EYS: variants seen among roughly 807,000 people sequenced by gnomAD.
The protein encoded by EYS is EGF-like photoreceptor maintenance factor.
EYS carries 250 observed loss-of-function variants against 282.1 expected under a neutral mutation model. The ratio of observed to expected loss-of-function variants is 0.89; its 90% CI spans 0.80 to 0.98. The LOEUF (loss-of-function observed/expected upper bound fraction) is 0.98. Ranked by LOEUF, EYS falls within the 50% of genes least tolerant of loss-of-function variation. The probability of loss-of-function intolerance (pLI) is 0.00; values close to 1 mark genes in which losing one functional copy is unlikely to be tolerated. For synonymous variants in EYS, 1,355 were observed against 1,282.9 expected, an observed-to-expected ratio of 1.06 and a Z score of -1.20; for missense variants, 4,016 against 3,709.0, an observed-to-expected ratio of 1.08 and a Z score of -2.15.
chr6:65,543,423 A>G (rs1416788424), intron 2 of EYS, among the ~76,000 whole-genome samples: 1 of 148,144 alleles, frequency 6.8e-6, no homozygotes, highest in Non-Finnish European at 1.5e-5. Flanking sequence ...AATGTATATT[A>G]TGTATAAATA....
chr6:65,621,205 G>A (rs543751186), intron 2 of EYS, among the ~76,000 whole-genome samples: 142 of 152,064 alleles, frequency 9.3e-4, no homozygotes, highest in Admixed American at 1.6e-3. Flanking sequence ...TTTGTAGGTC[G>A]CTCAGGACTT....
intron 2 of EYS, among the ~76,000 whole-genome samples, chr6:65,606,749 T>A (rs759883241): frequency 2.3e-4 from 35 of 151,870 alleles, no homozygotes; most frequent in Non-Finnish European, 4.1e-4. Context: ...TCAGCTTGAC[T>A]ATCCTTCTGC....
chr6:63,808,502 A>T (rs903066380), intron 36 of EYS, among the ~76,000 whole-genome samples: 1 of 152,210 alleles, frequency 6.6e-6, no homozygotes, highest in African/African-American at 2.4e-5. Context: ...CAAGGATGAA[A>T]ATAAGAACTT....
intron 31 of EYS, among the ~76,000 whole-genome samples, chr6:64,158,440 A>AT (rs1218133340): frequency 1.3e-5 from 2 of 152,328 alleles, no homozygotes; most frequent in African/African-American, 4.8e-5. Flanking sequence ...TCAAAAACAT[A>AT]GTTGTTCAGG....
chr6:65,458,429 CT>C (rs1476331502), intron 5 of EYS, among the ~76,000 whole-genome samples: 41 of 152,156 alleles, frequency 2.7e-4, no homozygotes, highest in African/African-American at 9.4e-4. Context: ...CCAGCCTAAC[CT>C]CAGGGAATAT....
chr6:65,232,092 A>C (rs889369835), intron 12 of EYS, among the ~76,000 whole-genome samples: 21 of 152,172 alleles, frequency 1.4e-4, no homozygotes, highest in South Asian at 6.2e-4. Context: ...GATATGATAC[A>C]TTATATTATA....
At chr6:65,501,233 TTGTC>T (rs1766440404) in intron 2 of EYS, among the ~76,000 whole-genome samples, 1 of 151,878 alleles carries the variant, frequency 6.6e-6, no homozygotes, top group African/African-American at 2.4e-5. Context: ...ACATGTGCGT[TTGTC>T]TGTGTGTGGG....
intron 31 of EYS, among the ~76,000 whole-genome samples, chr6:64,197,711 GTA>G (rs1765333435): frequency 6.7e-6 from 1 of 150,336 alleles, no homozygotes; most frequent in Admixed American, 6.6e-5. Context: ...TCATTATATG[GTA>G]TCTCTTTTTA....
intron 22 of EYS, among the ~76,000 whole-genome samples, chr6:64,710,715 C>T (rs986091514): frequency 2.0e-5 from 3 of 152,328 alleles, no homozygotes; most frequent in African/African-American, 4.8e-5. Context: ...AAAGACACTG[C>T]GTAACCTTAA....
At chr6:65,286,036 C>T (rs760298859) in intron 12 of EYS, among the ~76,000 whole-genome samples, 6 of 151,762 alleles carry the variant, frequency 4.0e-5, no homozygotes, top group Non-Finnish European at 8.8e-5. Context: ...GAAATTCTAA[C>T]CAATCACTTC....
chr6:65,516,267 T>C (rs1767131147), intron 2 of EYS, among the ~76,000 whole-genome samples: 1 of 152,158 alleles, frequency 6.6e-6, no homozygotes, highest in Non-Finnish European at 1.5e-5. Context: ...TACTTGCATG[T>C]TCTATATGTG....
chr6:63,862,990 C>T (rs1211043427), intron 36 of EYS, among the ~76,000 whole-genome samples: 4 of 152,276 alleles, frequency 2.6e-5, no homozygotes, highest in Middle Eastern at 3.4e-3. Context: ...CTTTTACTCT[C>T]GTTTCAGTTT....
intron 30 of EYS, among the ~76,000 whole-genome samples, chr6:64,232,627 G>C (rs775596554): frequency 6.6e-6 from 1 of 151,984 alleles, no homozygotes; most frequent in African/African-American, 2.4e-5. Flanking sequence ...CTGGCCTCAG[G>C]TGATCCACCA....
At chr6:65,441,594 T>G (rs1202583250) in intron 5 of EYS, among the ~76,000 whole-genome samples, 3 of 150,232 alleles carry the variant, frequency 2.0e-5, no homozygotes, top group African/African-American at 4.8e-5. Context: ...TATGTTAATA[T>G]AATTACAGTG....
At chr6:64,306,840 T>C in intron 30 of EYS, 130 bp downstream of exon 30, 1 of 622,688 alleles carries the variant, frequency 1.6e-6, no homozygotes, top group Non-Finnish European at 2.8e-6. Flanking sequence ...AAGTAGAACG[T>C]AGGAATGTGA....
intron 30 of EYS, among the ~76,000 whole-genome samples, chr6:64,295,237 T>C (rs1044596755): frequency 2.0e-5 from 3 of 146,834 alleles, no homozygotes; most frequent in Non-Finnish European, 4.5e-5. Context: ...TTAGCCGTTT[T>C]TTTAGTTAAT....
intron 12 of EYS, among the ~76,000 whole-genome samples, chr6:65,088,342 G>T (rs1346457057): frequency 6.6e-6 from 1 of 152,154 alleles, no homozygotes; most frequent in Non-Finnish European, 1.5e-5. Context: ...GAACTTCCTA[G>T]AAACTTGTTG....
intron 12 of EYS, among the ~76,000 whole-genome samples, chr6:65,182,955 A>AT (rs753373681): frequency 4.7e-4 from 72 of 151,580 alleles, no homozygotes; most frequent in Middle Eastern, 3.4e-3. Context: ...CGCCTGGCTG[A>AT]TTTTTTGTAT....
At chr6:63,935,473 A>G (rs1765031899) in intron 35 of EYS, among the ~76,000 whole-genome samples, 1 of 152,230 alleles carries the variant, frequency 6.6e-6, no homozygotes. Context: ...TGATTAAGTT[A>G]AAAAGAAGTG....
Sources: gnomAD v4.1 joint callset for allele counts (sites outside exome capture counted in the v4.1 genomes callset) on GRCh38, gnomAD v4.1.1 for gene constraint, MANE v1.5 for transcripts, NCBI Gene and HGNC (gene_info 2026-07-23, HGNC 2026-07-21) for gene names.